The following FNDC7 variants were observed in gnomAD, a reference collection of about 807,000 sequenced individuals.
FNDC7 encodes the protein fibronectin type III domain containing 7.
Under a neutral mutation model 74.2 loss-of-function variants are expected in FNDC7, and 66 were observed. That is an observed-to-expected ratio of 0.89 (90% CI 0.73 to 1.09). FNDC7 has a LOEUF of 1.09. Among genes scored for constraint, FNDC7 ranks in the 50% least tolerant of loss-of-function variants. The pLI is 0.00. For synonymous variants in FNDC7, 307 were observed against 330.2 expected, an observed-to-expected ratio of 0.93 and a Z score of 0.76; for missense variants, 829 against 893.4, an observed-to-expected ratio of 0.93 and a Z score of 0.92.
intron 2 of FNDC7, among the ~76,000 whole-genome samples, chr1:108,716,321 GTGTGTGTGTGT>G (rs771086306): frequency 0.15 from 14,283 of 92,758 alleles, 977 homozygotes; most frequent in Middle Eastern, 0.2. Flanking sequence ...CAGAAGAGAG[GTGTGTGTGTGT>G]GTGTGTGTGT....
At chr1:108,721,116 C>T (rs985443605) in intron 4 of FNDC7, among the ~76,000 whole-genome samples, 1 of 152,164 alleles carries the variant, frequency 6.6e-6, no homozygotes, top group African/African-American at 2.4e-5. Flanking sequence ...AGATGGCCCA[C>T]GGGAAAATCA....
chr1:108,733,389 G>C lies in FNDC7; in HGVS notation c.1997G>C (p.Gly666Ala), dbSNP rs763013847. Reference sequence around the variant, plus strand: ...AGCACTGACCTCTATGGCTCCAAAGGCATTTTCACGTGCACCCCGAGTGCT... The same window carrying C: ...AGCACTGACCTCTATGGCTCCAAAGCCATTTTCACGTGCACCCCGAGTGCT... ...NYSTDLYGSK[G>A]IFTCTPSAGL... The change falls in exon 10 of 13, where the codon GGC becomes GCC. Residue 666 changes from glycine to alanine, a missense_variant. Physicochemically the swap from Gly to Ala is moderately conservative, Grantham distance 60 (BLOSUM62 0). Coordinates refer to ENST00000370017, the MANE Select transcript of FNDC7 (RefSeq NM_001144937.3). The C allele has an allele frequency of 3.1e-6, 5 of 1,614,136 alleles. No individual in the cohort carries two copies. In the Middle Eastern group the frequency reaches 4.9e-4, roughly 160 times the overall value.
At chr1:108,722,998 G>T (rs907658688) in intron 5 of FNDC7, among the ~76,000 whole-genome samples, 1 of 151,998 alleles carries the variant, frequency 6.6e-6, no homozygotes, top group African/African-American at 2.4e-5. Context: ...AAAAAGATAG[G>T]ATATTTCTAG....
At chr1:108,718,054 TC>T in intron 3 of FNDC7, 23 bp downstream of exon 3, 1 of 1,548,982 alleles carries the variant, frequency 6.5e-7, no homozygotes, top group Non-Finnish European at 8.7e-7. Context: ...ATGCTCATCC[TC>T]CGTTGAGTGT....
At chr1:108,716,376 T>TGTGTGTGTGTGTGTGTG (rs61370041) in intron 2 of FNDC7, among the ~76,000 whole-genome samples, 4 of 108,728 alleles carry the variant, frequency 3.7e-5, no homozygotes, top group African/African-American at 1.4e-4. Context: ...TGTGTGTGTG[T>TGTGTGTGTGTGTGTGTG]TGGAAGAGGG....
rs764726740 is a variant in FNDC7, at chr1:108,733,583, G to A, written c.2140+51G>A. The A allele has an allele frequency of 1.5e-5, 23 of 1,559,010 alleles. 1 individual carries two copies. In the Admixed American group the frequency reaches 3.8e-4, roughly 26 times the overall value. On this transcript the variant is annotated intron_variant, in intron 10 of 12. Coordinates refer to ENST00000370017, the MANE Select transcript of FNDC7 (RefSeq NM_001144937.3). ...TAAAACTAACCCTGAACTCATATCTGTGAATTAAGATGCAATCAAACTTAT... is the reference window on the plus strand; with the variant it reads ...TAAAACTAACCCTGAACTCATATCTATGAATTAAGATGCAATCAAACTTAT...
At chr1:108,720,342 A>G (rs754070419) in intron 4 of FNDC7, among the ~76,000 whole-genome samples, 8 of 152,222 alleles carry the variant, frequency 5.3e-5, no homozygotes, top group Non-Finnish European at 1.0e-4. Context: ...ATGGTGAGTC[A>G]GCGTTTCCAG....
intron 10 of FNDC7, 106 bp from the exon 11 acceptor site, chr1:108,737,389 C>A: frequency 1.0e-6 from 1 of 1,003,110 alleles, no homozygotes; most frequent in Non-Finnish European, 1.5e-6. Flanking sequence ...CGTTCTTGTT[C>A]GTTTTTTGGT....
chr1:108,728,549 G>A, intron 7 of FNDC7, 83 bp from the exon 8 acceptor site: 1 of 1,538,842 alleles, frequency 6.5e-7, no homozygotes, highest in East Asian at 2.3e-5. Flanking sequence ...GATCTCACTG[G>A]GGGCAAAATC....
intron 2 of FNDC7, among the ~76,000 whole-genome samples, chr1:108,714,925 G>A (rs536012465): frequency 3.9e-5 from 6 of 152,192 alleles, no homozygotes; most frequent in Admixed American, 3.3e-4. Flanking sequence ...TGGGTGGACA[G>A]AATCTAACTC....
At chr1:108,735,484 A>C (rs1029138019) in intron 10 of FNDC7, among the ~76,000 whole-genome samples, 1 of 152,120 alleles carries the variant, frequency 6.6e-6, no homozygotes, top group South Asian at 2.1e-4. Context: ...GTCTACTTAT[A>C]CCTGCACTGT....
In FNDC7 at chr1:108,728,071, G is replaced by C. The variant is rs1661260032; in HGVS notation, c.1369+6G>C. Reference sequence around the variant, plus strand: ...TCCCCAGTTCATAACCACAGGTAAGGCACAGCTATCATTCCACTCACTGGT... The same window carrying C: ...TCCCCAGTTCATAACCACAGGTAAGCCACAGCTATCATTCCACTCACTGGT... On this transcript the variant is annotated splice_donor_region_variant and intron_variant, in intron 7 of 12. Coordinates refer to ENST00000370017, the MANE Select transcript of FNDC7 (RefSeq NM_001144937.3). 1 of 1,610,776 alleles carries C rather than the reference G, an allele frequency of 6.2e-7. No homozygotes were observed. Among genetic ancestry groups the C allele is most frequent in the African/African-American group, 1.3e-5 (1 of 74,990 alleles).
intron 6 of FNDC7, among the ~76,000 whole-genome samples, chr1:108,727,021 T>C (rs1661233692): frequency 6.6e-6 from 1 of 151,944 alleles, no homozygotes; most frequent in African/African-American, 2.4e-5. Context: ...TTCTTTAGGG[T>C]CTCTTAAGAC....
chr1:108,728,619 T>C lies in FNDC7; in HGVS notation c.1370-13T>C. ...ACTCATGCTGGTTCAATTAATACTC[T>C]AAAATGTCTTAGCTCCTTGCAGTCC... On this transcript the variant is annotated splice_polypyrimidine_tract_variant and intron_variant, in intron 7 of 12. Coordinates refer to ENST00000370017, the MANE Select transcript of FNDC7 (RefSeq NM_001144937.3). The C allele has an allele frequency of 6.2e-7, 1 of 1,613,672 alleles. No individual in the cohort carries two copies. Among genetic ancestry groups the C allele is most frequent in the Non-Finnish European group, 8.5e-7 (1 of 1,179,610 alleles).
chr1:108,726,269 C>T (rs1661218989), intron 6 of FNDC7, among the ~76,000 whole-genome samples: 1 of 152,200 alleles, frequency 6.6e-6, no homozygotes, highest in South Asian at 2.1e-4. Flanking sequence ...GAACTCGCCA[C>T]AAAGATGTAC....
chr1:108,728,179 C>T (rs1475837836), intron 7 of FNDC7, 114 bp downstream of exon 7: 3 of 1,306,784 alleles, frequency 2.3e-6, no homozygotes, highest in African/African-American at 1.5e-5. Flanking sequence ...ATTAATCAAT[C>T]TTTGTGGAGA....
Position 108,718,914 on chromosome 1 carries a change from A to G in FNDC7, c.463A>G (p.Ile155Val). The change falls in exon 4 of 13, where the codon ATA becomes GTA. Residue 155 changes from isoleucine to valine, a missense_variant. Transcript: ENST00000370017. ...SIMRANGLGS[I>V]WKENTTNTSL... ...TATGCGAGCCAATGGCTTGGGGAGT[A>G]TATGGAAAGAGAATACTACAAACAC... 1 of 1,551,710 alleles carries G rather than the reference A, an allele frequency of 6.4e-7. No homozygotes were observed. The highest frequency in any genetic ancestry group is 8.7e-7 in the Non-Finnish European group (1 of 1,147,008).
At chr1:108,728,215 G>A in intron 7 of FNDC7, 150 bp downstream of exon 7, 1 of 1,041,608 alleles carries the variant, frequency 9.6e-7, no homozygotes, top group Non-Finnish European at 1.4e-6. Flanking sequence ...TTGTACGAAG[G>A]AGAGGCAGAG....
At position 108,722,557 on chromosome 1, in the gene FNDC7, C is replaced by G; in HGVS notation, c.821C>G (p.Ser274Cys). ...ISVLASNDAG[S>C]SKSSSAMTLK... ...GTTTTAGCAAGTAATGATGCTGGAT[C>G]TAGCAAATCATCTTCAGCAATGACC... Residue 274 changes from serine (S) to cysteine (C), a missense_variant, in exon 5 of 13, where the codon TCT (serine) becomes TGT (cysteine). By Grantham distance (112) the Ser-to-Cys change is moderately radical (BLOSUM62 -1). Transcript: ENST00000370017. 2 of 1,614,058 alleles carry G rather than the reference C, an allele frequency of 1.2e-6. No homozygotes were observed. The highest frequency in any genetic ancestry group is 8.5e-7 in the Non-Finnish European group (1 of 1,179,956).
Sources: gnomAD v4.1 joint callset for allele counts (sites outside exome capture counted in the v4.1 genomes callset) on GRCh38, gnomAD v4.1.1 for gene constraint, MANE v1.5 for transcripts, NCBI Gene and HGNC (gene_info 2026-07-23, HGNC 2026-07-21) for gene names.